Variants in DKK2 observed in about 807,000 individuals in gnomAD.
The protein encoded by DKK2 is dickkopf-related protein 2.
DKK2 carries 11 observed loss-of-function variants against 28.1 expected under a neutral mutation model. That is an observed-to-expected ratio of 0.39 (90% CI 0.25 to 0.65). The LOEUF (loss-of-function observed/expected upper bound fraction) is 0.65. Among genes scored for constraint, DKK2 ranks in the 30% least tolerant of loss-of-function variants. The probability of loss-of-function intolerance (pLI) is 0.47; values close to 1 mark genes in which losing one functional copy is unlikely to be tolerated. For missense variants in DKK2, 326 were observed against 335.5 expected (o/e 0.97, Z 0.22); for synonymous variants, 135 against 126.5 (o/e 1.07, Z -0.45).
At chr4:106,948,906 A>C (rs1041346023) in intron 1 of DKK2, among the ~76,000 whole-genome samples, 1 of 152,154 alleles carries the variant, frequency 6.6e-6, no homozygotes, top group Admixed American at 6.6e-5. Context: ...ATTTCATGCC[A>C]GTGTCCTAGT....
chr4:107,035,241 C>T (rs571384458), intron 1 of DKK2, 129 bp downstream of exon 1: 5 of 1,139,202 alleles, frequency 4.4e-6, no homozygotes, highest in Non-Finnish European at 2.5e-6. Flanking sequence ...GTGAATCCCT[C>T]CCCAGCCGCC....
At chr4:107,018,856 T>G (rs1021221876) in intron 1 of DKK2, among the ~76,000 whole-genome samples, 4 of 152,098 alleles carry the variant, frequency 2.6e-5, no homozygotes, top group African/African-American at 9.7e-5. Context: ...AAGTATAAAC[T>G]AACACTCTTG....
At chr4:106,956,787 A>C (rs1722600539) in intron 1 of DKK2, among the ~76,000 whole-genome samples, 1 of 151,584 alleles carries the variant, frequency 6.6e-6, no homozygotes, top group South Asian at 2.1e-4. Flanking sequence ...TAGACCTAAA[A>C]CCATAAAAAC....
At chr4:106,971,247 T>C (rs1177999360) in intron 1 of DKK2, among the ~76,000 whole-genome samples, 1 of 152,134 alleles carries the variant, frequency 6.6e-6, no homozygotes, top group Admixed American at 6.6e-5. Context: ...AGCCATTCCC[T>C]CTTGATATGC....
intron 1 of DKK2, among the ~76,000 whole-genome samples, chr4:106,989,743 G>T (rs1723177976): frequency 6.6e-6 from 1 of 152,150 alleles, no homozygotes; most frequent in Admixed American, 6.6e-5. Context: ...GTTCTGTTTT[G>T]GTTGTTGGTG....
chr4:107,028,804 C>A (rs1214109926), intron 1 of DKK2, among the ~76,000 whole-genome samples: 1 of 152,226 alleles, frequency 6.6e-6, no homozygotes, highest in Non-Finnish European at 1.5e-5. Context: ...GCCAAACAAA[C>A]AAAGCCATTG....
At chr4:106,969,921 C>A (rs1722840663) in intron 1 of DKK2, among the ~76,000 whole-genome samples, 1 of 152,018 alleles carries the variant, frequency 6.6e-6, no homozygotes, top group Non-Finnish European at 1.5e-5. Context: ...GAACTACAGA[C>A]CTGGCTGGGA....
At chr4:107,035,173 C>G (rs1291351041) in intron 1 of DKK2, among the ~76,000 whole-genome samples, 197 bp downstream of exon 1, 1 of 152,108 alleles carries the variant, frequency 6.6e-6, no homozygotes, top group Non-Finnish European at 1.5e-5. Context: ...CCTTTGACTC[C>G]GTGCAGTGCA....
At chr4:106,939,612 C>G (rs946496749) in intron 1 of DKK2, among the ~76,000 whole-genome samples, 4 of 152,056 alleles carry the variant, frequency 2.6e-5, no homozygotes, top group African/African-American at 9.7e-5. Flanking sequence ...AAACTACTTT[C>G]AAGTTCGTAT....
intron 1 of DKK2, among the ~76,000 whole-genome samples, chr4:106,968,114 A>G (rs1338288693): frequency 6.7e-6 from 1 of 148,904 alleles, no homozygotes; most frequent in African/African-American, 2.5e-5. Context: ...GGTGGAGAAA[A>G]GAGAGGGAAG....
In DKK2 at chr4:106,925,965, A is replaced by G. The variant is rs571876638; in HGVS notation, c.223-16T>C. The G allele has an allele frequency of 6.3e-7, 1 of 1,592,136 alleles. No homozygotes were observed. Among genetic ancestry groups the G allele is most frequent in the South Asian group, 1.1e-5 (1 of 87,806 alleles). ...AAGGGTAGGCCTGTCATCAAGTGGA[A>G]CAACACCAGAAGTAAAGGATTAGAT... On this transcript the variant is annotated splice_polypyrimidine_tract_variant and intron_variant, in intron 1 of 3. Coordinates refer to ENST00000285311, the MANE Select transcript of DKK2 (RefSeq NM_014421.3).
intron 1 of DKK2, among the ~76,000 whole-genome samples, chr4:106,933,423 G>T (rs996724841): frequency 2.0e-5 from 3 of 152,130 alleles, no homozygotes; most frequent in South Asian, 4.1e-4. Context: ...GTGCTTGGTG[G>T]TGGTGGTGTT....
chr4:107,027,233 T>G (rs1438286720), intron 1 of DKK2, among the ~76,000 whole-genome samples: 2 of 152,156 alleles, frequency 1.3e-5, no homozygotes, highest in East Asian at 3.9e-4. Flanking sequence ...AAAACCATTA[T>G]TTGAATGTGA....
intron 1 of DKK2, among the ~76,000 whole-genome samples, chr4:106,958,012 G>A (rs2110349219): frequency 6.6e-6 from 1 of 150,592 alleles, no homozygotes; most frequent in South Asian, 2.1e-4. Context: ...AGCTGACCAT[G>A]TCTATTAAAG....
chr4:106,972,538 TA>T (rs1264918883), intron 1 of DKK2, among the ~76,000 whole-genome samples: 2 of 151,984 alleles, frequency 1.3e-5, no homozygotes, highest in Non-Finnish European at 2.9e-5. Context: ...ATAAAGCCAA[TA>T]AAAGTAAGTT....
At chr4:107,025,959 T>C (rs983718104) in intron 1 of DKK2, among the ~76,000 whole-genome samples, 137 of 152,344 alleles carry the variant, frequency 9.0e-4, no homozygotes, top group African/African-American at 3.2e-3. Context: ...TTATTTGAAA[T>C]GTTTATATTA....
intron 1 of DKK2, among the ~76,000 whole-genome samples, chr4:107,018,083 CAGACTCTT>C (rs1461794122): frequency 6.6e-6 from 1 of 151,982 alleles, no homozygotes; most frequent in Non-Finnish European, 1.5e-5. Context: ...AACGTTGGCC[CAGACTCTT>C]AGAACACACC....
chr4:107,027,820 C>T (rs1723811780), intron 1 of DKK2, among the ~76,000 whole-genome samples: 1 of 146,480 alleles, frequency 6.8e-6, no homozygotes, highest in Non-Finnish European at 1.5e-5. Context: ...GGCGCGATCT[C>T]GGCTCACTGC....
intron 1 of DKK2, among the ~76,000 whole-genome samples, chr4:107,003,943 T>A (rs1304997092): frequency 6.6e-6 from 1 of 152,210 alleles, no homozygotes; most frequent in African/African-American, 2.4e-5. Context: ...CCGGATGGAA[T>A]TTATATTCCG....
Sources: allele counts gnomAD v4.1 joint callset (sites outside exome capture counted in the v4.1 genomes callset), GRCh38; gene constraint gnomAD v4.1.1; transcripts MANE v1.5; gene names NCBI Gene and HGNC (gene_info 2026-07-23, HGNC 2026-07-21).